NME7: variants seen among roughly 807,000 people sequenced by gnomAD.
The protein encoded by NME7 is nucleoside diphosphate kinase 7.
Under a neutral mutation model 49.1 loss-of-function variants are expected in NME7, and 41 were observed. That is an observed-to-expected ratio of 0.83 (90% confidence interval 0.65 to 1.08). NME7 has a LOEUF of 1.08. NME7 is among the 50% of genes least tolerant of loss of function. NME7 has a pLI of 0.00. For missense variants in NME7, 423 were observed against 463.4 expected, an observed-to-expected ratio of 0.91 and a Z score of 0.80; for synonymous variants, 139 against 150.6, an observed-to-expected ratio of 0.92 and a Z score of 0.56.
chr1:169,237,732 C>A (rs754671846), intron 7 of NME7, 45 bp from the exon 8 acceptor site: 2 of 1,510,502 alleles, frequency 1.3e-6, no homozygotes, highest in Non-Finnish European at 1.8e-6. Flanking sequence ...AATTTTAAGA[C>A]ATTTTAGTTT....
At chr1:169,311,600 T>C (rs1314602692) in intron 3 of NME7, among the ~76,000 whole-genome samples, 1 of 152,138 alleles carries the variant, frequency 6.6e-6, no homozygotes, top group Non-Finnish European at 1.5e-5. Context: ...TTATATTGTC[T>C]GGCTTCATTG....
intron 7 of NME7, among the ~76,000 whole-genome samples, chr1:169,271,187 T>C (rs1366655024): frequency 7.5e-6 from 1 of 133,530 alleles, no homozygotes; most frequent in African/African-American, 2.5e-5. Context: ...AACCACTGCA[T>C]CCACATAGAT....
chr1:169,246,930 C>T, intron 7 of NME7: 1 of 432,164 alleles, frequency 2.3e-6, no homozygotes, highest in Non-Finnish European at 4.6e-6. Context: ...ACTTTGTGTA[C>T]TGAAATTCAT....
chr1:169,230,693 G>T (rs1380991969), intron 10 of NME7, 25 bp downstream of exon 10: 1 of 1,501,328 alleles, frequency 6.7e-7, no homozygotes, highest in Non-Finnish European at 9.1e-7. Flanking sequence ...CACAAACTAG[G>T]ATAATATTTT....
chr1:169,355,256 T>TATA (rs1227747658), intron 1 of NME7, among the ~76,000 whole-genome samples: 60 of 20,510 alleles, frequency 2.9e-3, no homozygotes, highest in East Asian at 0.024. Context: ...ATATTATATC[T>TATA]ATATATAATA....
chr1:169,324,856 T>C (rs1299651776), intron 1 of NME7, among the ~76,000 whole-genome samples: 1 of 152,198 alleles, frequency 6.6e-6, no homozygotes, highest in African/African-American at 2.4e-5. Context: ...AGACTATCAA[T>C]AAACTAATAT....
chr1:169,312,361 G>C (rs1651427949), intron 3 of NME7, among the ~76,000 whole-genome samples: 1 of 152,180 alleles, frequency 6.6e-6, no homozygotes, highest in Admixed American at 6.5e-5. Context: ...ACGTGGTCAA[G>C]CTCAGAGTCA....
chr1:169,300,619 T>A (rs1650900105), intron 5 of NME7, among the ~76,000 whole-genome samples: 1 of 152,094 alleles, frequency 6.6e-6, no homozygotes, highest in Non-Finnish European at 1.5e-5. Context: ...TATATCAAAC[T>A]AGTTAAAATA....
At chr1:169,232,719 T>C (rs1647685303) in intron 9 of NME7, among the ~76,000 whole-genome samples, 1 of 151,730 alleles carries the variant, frequency 6.6e-6, no homozygotes, top group Non-Finnish European at 1.5e-5. Flanking sequence ...AAAGACCTGA[T>C]ACAATTCACC....
chr1:169,329,985 T>A (rs1345833781), intron 1 of NME7, among the ~76,000 whole-genome samples: 1 of 152,096 alleles, frequency 6.6e-6, no homozygotes, highest in African/African-American at 2.4e-5. Flanking sequence ...CCAATACATC[T>A]AGCAACAGAC....
intron 10 of NME7, among the ~76,000 whole-genome samples, chr1:169,217,182 C>T (rs895778149): frequency 5.3e-5 from 8 of 152,086 alleles, no homozygotes; most frequent in Admixed American, 1.3e-4. Context: ...TTTATTCTGA[C>T]AACAAACCCA....
chr1:169,251,911 T>A (rs1249043916), intron 7 of NME7, among the ~76,000 whole-genome samples: 1 of 150,958 alleles, frequency 6.6e-6, no homozygotes, highest in Non-Finnish European at 1.5e-5. Flanking sequence ...TATGGCTGCA[T>A]AGTATTCCAT....
Position 169,367,791 on chromosome 1 carries a change from A to G in NME7, c.-81T>C, listed in dbSNP as rs576920432. On this transcript the variant is annotated 5_prime_UTR_variant, in exon 1 of 12. Transcript: ENST00000367811. Reference sequence around the variant, plus strand: ...CACCACCACCATCATACGGTTACTCAGGCAACAAAGCCCCGCCCACTGTCG... The same window carrying G: ...CACCACCACCATCATACGGTTACTCGGGCAACAAAGCCCCGCCCACTGTCG... 6.3e-6 allele frequency: 10 copies of G among 1,578,738 alleles called. No individual in the cohort carries two copies. In the South Asian group the frequency reaches 1.1e-4, roughly 17 times the overall value.
chr1:169,359,804 GT>G (rs1415037606), intron 1 of NME7, among the ~76,000 whole-genome samples: 1 of 152,088 alleles, frequency 6.6e-6, no homozygotes, highest in Non-Finnish European at 1.5e-5. Context: ...ATTTTAAAGA[GT>G]ATAGAAATAT....
chr1:169,199,474 A>ATTC (rs1201086265), intron 10 of NME7, among the ~76,000 whole-genome samples: 1 of 146,732 alleles, frequency 6.8e-6, no homozygotes, highest in African/African-American at 2.5e-5. Flanking sequence ...TATTATTATT[A>ATTC]TTATTATTAT....
intron 1 of NME7, among the ~76,000 whole-genome samples, chr1:169,347,211 GTAAA>G (rs1199122491): frequency 6.6e-6 from 1 of 152,016 alleles, no homozygotes; most frequent in Non-Finnish European, 1.5e-5. Context: ...AAAAATGTAA[GTAAA>G]TAAATAAATT....
chr1:169,348,108 C>T (rs996922480), intron 1 of NME7, among the ~76,000 whole-genome samples: 2 of 152,098 alleles, frequency 1.3e-5, no homozygotes, highest in Non-Finnish European at 2.9e-5. Flanking sequence ...TAAAGTGATA[C>T]AGACTTAAGT....
At chr1:169,279,164 G>T (rs1246186022) in intron 7 of NME7, among the ~76,000 whole-genome samples, 1 of 152,302 alleles carries the variant, frequency 6.6e-6, no homozygotes, top group Non-Finnish European at 1.5e-5. Context: ...GAGGCAGTCT[G>T]CCCGTTCTCA....
chr1:169,260,689 G>A (rs372960941), intron 7 of NME7, among the ~76,000 whole-genome samples: 1 of 133,366 alleles, frequency 7.5e-6, no homozygotes, highest in African/African-American at 2.5e-5. Flanking sequence ...CAGAGGAAAG[G>A]GTTAGGAGGA....
Sources: allele counts gnomAD v4.1 joint callset (sites outside exome capture counted in the v4.1 genomes callset), GRCh38; gene constraint gnomAD v4.1.1; transcripts MANE v1.5; gene names NCBI Gene and HGNC (gene_info 2026-07-23, HGNC 2026-07-21).